Variants in MELK observed in about 807,000 individuals in gnomAD.
MELK encodes the protein maternal embryonic leucine zipper kinase, also known as pEg3 kinase.
MELK carries 81 observed loss-of-function variants against 85.0 expected under a neutral mutation model. That is an observed-to-expected ratio of 0.95 (90% CI 0.80 to 1.15). MELK has a LOEUF of 1.15. Among genes scored for constraint, MELK ranks in the 50% most tolerant of loss-of-function variants. The pLI, the probability that MELK is intolerant of heterozygous loss-of-function variation, is 0.00. For synonymous variants in MELK, 252 were observed against 265.0 expected (o/e 0.95, Z 0.48); for missense variants, 754 against 777.5 (o/e 0.97, Z 0.36).
chr9:36,639,626 C>T (rs1227967765), intron 10 of MELK, among the ~76,000 whole-genome samples: 1 of 152,178 alleles, frequency 6.6e-6, no homozygotes, highest in Non-Finnish European at 1.5e-5. Flanking sequence ...GCTGAGGATT[C>T]AGAGCGCTTT....
rs118079449 is a variant in MELK at position 36,612,968 on chromosome 9, T to C, written c.666+5295T>C. Among the ~76,000 whole-genome samples the C allele has an allele frequency of 2.8e-3, 420 of 152,326 alleles. 1 individual carries two copies. Among genetic ancestry groups the C allele is most frequent in the Middle Eastern group, 6.8e-3 (2 of 294 alleles). Reference sequence around the variant, plus strand: ...TAGATCATAACATTTCATTTGAAGCTCTCTAGTGGCCTCTTTCTCATCTCG... The same window carrying C: ...TAGATCATAACATTTCATTTGAAGCCCTCTAGTGGCCTCTTTCTCATCTCG... On this transcript the variant is annotated intron_variant, in intron 8 of 17. Coordinates refer to ENST00000298048, the MANE Select transcript of MELK (RefSeq NM_014791.4).
chr9:36,599,905 G>T (rs892209988), intron 7 of MELK, among the ~76,000 whole-genome samples: 3 of 152,156 alleles, frequency 2.0e-5, no homozygotes, highest in Non-Finnish European at 2.9e-5. Context: ...AGGCTGAGAA[G>T]GAGTGGGATT....
At chr9:36,597,627 G>A (rs912264996) in intron 6 of MELK, among the ~76,000 whole-genome samples, 1 of 152,192 alleles carries the variant, frequency 6.6e-6, no homozygotes, top group African/African-American at 2.4e-5. Context: ...ATTGCCACTA[G>A]ATGATGCCTT....
chr9:36,632,618 C>T (rs573623909), intron 9 of MELK, among the ~76,000 whole-genome samples: 34 of 152,230 alleles, frequency 2.2e-4, no homozygotes, highest in Admixed American at 5.9e-4. Context: ...TCCAAAATAA[C>T]GTTAATCTTT....
chr9:36,622,447 G>A (rs1000416280), intron 8 of MELK, among the ~76,000 whole-genome samples: 4 of 152,148 alleles, frequency 2.6e-5, no homozygotes, highest in Non-Finnish European at 4.4e-5. Flanking sequence ...TGTTTAAAAG[G>A]CAGACTTCGT....
rs140741529 is a variant in MELK, at chr9:36,601,552, C to A, written c.567+2066C>A. Among the ~76,000 whole-genome samples the A allele has an allele frequency of 9.2e-3, 1,404 of 152,230 alleles. 25 individuals are homozygous for A. The highest frequency in any genetic ancestry group is 0.03 in the African/African-American group (1,253 of 41,518). On this transcript the variant is annotated intron_variant, in intron 7 of 17. Transcript: ENST00000298048. ...CATAGTCCTGGAATCATGCTGGATACTTTTTATTTTTAATTGTGGTAAAAT... is the reference window on the plus strand; with the variant it reads ...CATAGTCCTGGAATCATGCTGGATAATTTTTATTTTTAATTGTGGTAAAAT...
intron 4 of MELK, among the ~76,000 whole-genome samples, chr9:36,593,665 G>T (rs900091319): frequency 2.0e-5 from 3 of 152,118 alleles, no homozygotes; most frequent in African/African-American, 7.2e-5. Flanking sequence ...TTTAAGGTAC[G>T]TTTTTTGTTG....
At chr9:36,627,244 A>G (rs1828032213) in intron 8 of MELK, among the ~76,000 whole-genome samples, 1 of 152,158 alleles carries the variant, frequency 6.6e-6, no homozygotes, top group Non-Finnish European at 1.5e-5. Flanking sequence ...GAAAACAGAC[A>G]GGTATGGATC....
intron 13 of MELK, among the ~76,000 whole-genome samples, chr9:36,661,663 G>A (rs1417462878): frequency 2.0e-5 from 3 of 152,112 alleles, no homozygotes; most frequent in Middle Eastern, 3.2e-3. Context: ...TAGGCCGGGC[G>A]CGGTGGCTCA....
chr9:36,615,170 C>T (rs1587439606), intron 8 of MELK, among the ~76,000 whole-genome samples: 2 of 144,006 alleles, frequency 1.4e-5, no homozygotes, highest in Admixed American at 6.7e-5. Context: ...CCTCACCTCC[C>T]GGACGGGGCG....
chr9:36,606,112 G>T (rs1825454070), intron 7 of MELK, among the ~76,000 whole-genome samples: 1 of 151,750 alleles, frequency 6.6e-6, no homozygotes, highest in South Asian at 2.1e-4. Flanking sequence ...ACATATAAAG[G>T]TTAAGCTCTT....
chr9:36,674,023 T>C lies in MELK; in HGVS notation c.1675-811T>C, dbSNP rs182605005. ...CTCTTCTTTGGGCCATAGGTTCTTA[T>C]TTTGAAAAGTAAGATAGTTGGATAC... On this transcript the variant is annotated intron_variant, in intron 16 of 17. Coordinates refer to ENST00000298048, the MANE Select transcript of MELK (RefSeq NM_014791.4). 1.3e-4 allele frequency among the ~76,000 whole-genome samples: 20 copies of C among 152,334 alleles called. No individual in the cohort carries two copies. In the East Asian group the frequency reaches 3.7e-3, roughly 28 times the overall value.
In MELK at chr9:36,639,791, A is replaced by G. The variant is rs371170161; in HGVS notation, c.835-3206A>G. Among the ~76,000 whole-genome samples the G allele has an allele frequency of 1.6e-3, 239 of 152,276 alleles. 1 individual carries two copies. The highest frequency in any genetic ancestry group is 5.6e-3 in the African/African-American group (231 of 41,566). On this transcript the variant is annotated intron_variant, in intron 10 of 17. Transcript: ENST00000298048. ...CTTCCATCTCCTGCCTTTCTCACACATATGCCTTGTGGTAAAGGTACAGGC... is the reference window on the plus strand; with the variant it reads ...CTTCCATCTCCTGCCTTTCTCACACGTATGCCTTGTGGTAAAGGTACAGGC...
At chr9:36,591,667 G>A (rs1823596406) in intron 4 of MELK, among the ~76,000 whole-genome samples, 1 of 149,850 alleles carries the variant, frequency 6.7e-6, no homozygotes, top group Non-Finnish European at 1.5e-5. Context: ...GCAGTGTCTC[G>A]TGCCTGTAAT....
chr9:36,607,429 CTA>C, intron 7 of MELK, 144 bp from the exon 8 acceptor site: 2 of 633,300 alleles, frequency 3.2e-6, no homozygotes, highest in Non-Finnish European at 5.4e-6. Flanking sequence ...GGTTCTCTGA[CTA>C]TAGAATAAGC....
intron 1 of MELK, among the ~76,000 whole-genome samples, chr9:36,574,828 T>C (rs1358680006): frequency 6.6e-6 from 1 of 151,912 alleles, no homozygotes; most frequent in Admixed American, 6.6e-5. Context: ...TCCTTGCTCT[T>C]CTGAGAAGTT....
At chr9:36,646,006 A>G (rs1292682488) in intron 11 of MELK, among the ~76,000 whole-genome samples, 1 of 152,200 alleles carries the variant, frequency 6.6e-6, no homozygotes, top group African/African-American at 2.4e-5. Flanking sequence ...CTCAGGGGGC[A>G]TTTGGCAGTG....
At chr9:36,592,149 A>G (rs953291586) in intron 4 of MELK, among the ~76,000 whole-genome samples, 9 of 139,856 alleles carry the variant, frequency 6.4e-5, no homozygotes, top group African/African-American at 2.1e-4. Context: ...ACTATGCCCC[A>G]CCCTAGTCAT....
At chr9:36,647,198 C>T (rs1022989376) in intron 11 of MELK, among the ~76,000 whole-genome samples, 3 of 152,160 alleles carry the variant, frequency 2.0e-5, no homozygotes, top group African/African-American at 7.2e-5. Context: ...TAGGAAACTC[C>T]ATCTAAAACT....
Sources: allele counts gnomAD v4.1 joint callset (sites outside exome capture counted in the v4.1 genomes callset), GRCh38; gene constraint gnomAD v4.1.1; transcripts MANE v1.5; gene names NCBI Gene and HGNC (gene_info 2026-07-23, HGNC 2026-07-21).